The following TMOD3 variants were observed in gnomAD, a reference collection of about 807,000 sequenced individuals.
The protein encoded by TMOD3 is tropomodulin 3, also known as tropomodulin-3.
A neutral mutation model predicts 39.2 loss-of-function variants in TMOD3; 20 were observed. The ratio of observed to expected loss-of-function variants is 0.51; its 90% confidence interval spans 0.36 to 0.74. TMOD3 has a LOEUF of 0.74. Among genes scored for constraint, TMOD3 ranks in the 30% least tolerant of loss-of-function variants. The probability of loss-of-function intolerance (pLI) is 0.00; values close to 1 mark genes in which losing one functional copy is unlikely to be tolerated. For missense variants in TMOD3, 381 were observed against 412.8 expected, an observed-to-expected ratio of 0.92 and a Z score of 0.67; for synonymous variants, 143 against 145.8, an observed-to-expected ratio of 0.98 and a Z score of 0.14.
chr15:51,879,754 C>A (rs1781678610), intron 3 of TMOD3, among the ~76,000 whole-genome samples: 1 of 151,862 alleles, frequency 6.6e-6, no homozygotes, highest in South Asian at 2.1e-4. Context: ...TCTTCATTTT[C>A]TGAGTTTAAG....
intron 3 of TMOD3, among the ~76,000 whole-genome samples, chr15:51,887,355 A>G (rs759867949): frequency 1.3e-5 from 2 of 151,802 alleles, no homozygotes; most frequent in African/African-American, 4.8e-5. Context: ...CTCTAAAAAG[A>G]GCCCATTTTT....
intron 1 of TMOD3, among the ~76,000 whole-genome samples, chr15:51,852,491 T>A (rs1372199174): frequency 6.6e-6 from 1 of 152,190 alleles, no homozygotes; most frequent in African/African-American, 2.4e-5. Context: ...ATTTTTTGTT[T>A]TGTTTTTAGC....
Position 51,908,953 on chromosome 15 carries a change from C to A in TMOD3, c.*143C>A. 2.1e-6 allele frequency: 1 copy of A among 471,478 alleles called. No individual in the cohort carries two copies. The highest frequency in any genetic ancestry group is 3.8e-6 in the Non-Finnish European group (1 of 265,160). The allele number at this position is 471,478 out of a possible 1,614,324, so 29.2% of individuals were successfully genotyped here. ...CATGCATTTTTTTTTTAGTTGTTAT[C>A]AAATTGTAAAATCAGTAATGTGATA... On this transcript the variant is annotated 3_prime_UTR_variant, in exon 10 of 10. Coordinates refer to ENST00000308580, the MANE Select transcript of TMOD3 (RefSeq NM_014547.5).
chr15:51,887,549 A>G, intron 3 of TMOD3, 40 bp from the exon 4 acceptor site: 3 of 1,597,272 alleles, frequency 1.9e-6, no homozygotes, highest in Non-Finnish European at 2.6e-6. Flanking sequence ...ATGAGTTGAT[A>G]GCAGTAGTAA....
intron 9 of TMOD3, among the ~76,000 whole-genome samples, chr15:51,902,924 T>TA: frequency 6.6e-6 from 1 of 152,192 alleles, no homozygotes; most frequent in South Asian, 2.1e-4. Flanking sequence ...GTGCTGGGAT[T>TA]ACAAGCGTGA....
intron 3 of TMOD3, among the ~76,000 whole-genome samples, chr15:51,871,188 G>T (rs944435527): frequency 1.3e-5 from 2 of 152,200 alleles, no homozygotes; most frequent in African/African-American, 4.8e-5. Context: ...TCCCTCAGGT[G>T]TTTGGGGCCA....
intron 1 of TMOD3, among the ~76,000 whole-genome samples, chr15:51,845,027 T>G (rs990969799): frequency 2.0e-5 from 3 of 152,226 alleles, no homozygotes. Context: ...TGATTCAGCT[T>G]TCATATTTTT....
chr15:51,869,933 TTTTGTTTG>T (rs533227194), intron 3 of TMOD3, among the ~76,000 whole-genome samples: 105 of 152,168 alleles, frequency 6.9e-4, no homozygotes, highest in African/African-American at 2.5e-3. Flanking sequence ...GTGGTTGTTT[TTTTGTTTG>T]TTTGTTTGTT....
At chr15:51,868,832 C>T (rs910161848) in intron 2 of TMOD3, among the ~76,000 whole-genome samples, 11 of 152,062 alleles carry the variant, frequency 7.2e-5, no homozygotes, top group Admixed American at 2.0e-4. Flanking sequence ...ATTAGCTGGG[C>T]GTGGTGGCAG....
intron 3 of TMOD3, among the ~76,000 whole-genome samples, chr15:51,886,727 G>A (rs1402305139): frequency 6.6e-6 from 1 of 152,138 alleles, no homozygotes; most frequent in African/African-American, 2.4e-5. Flanking sequence ...GAGGGAGAGG[G>A]AGAGGGAGAG....
At chr15:51,908,398 A>G (rs1258696217) in intron 9 of TMOD3, among the ~76,000 whole-genome samples, 1 of 152,182 alleles carries the variant, frequency 6.6e-6, no homozygotes, top group Non-Finnish European at 1.5e-5. Context: ...AGATAGTGAG[A>G]CCTAATGTCT....
intron 3 of TMOD3, among the ~76,000 whole-genome samples, chr15:51,883,709 A>G (rs1044318152): frequency 1.3e-5 from 2 of 152,198 alleles, no homozygotes; most frequent in African/African-American, 4.8e-5. Flanking sequence ...GCAGCATACA[A>G]GATTAACTAA....
chr15:51,830,125 C>T (rs2056247004), intron 1 of TMOD3, among the ~76,000 whole-genome samples: 1 of 152,254 alleles, frequency 6.6e-6, no homozygotes, highest in Admixed American at 6.5e-5. Flanking sequence ...TCGGGACCGG[C>T]CCCCTCCCCT....
chr15:51,860,463 C>T (rs564313672), intron 1 of TMOD3: 160 of 566,590 alleles, frequency 2.8e-4, no homozygotes, highest in African/African-American at 2.7e-3. Context: ...AAGTTTTGGG[C>T]CCTCTGGATG....
intron 3 of TMOD3, among the ~76,000 whole-genome samples, chr15:51,884,901 T>A (rs1002397847): frequency 6.6e-6 from 1 of 152,184 alleles, no homozygotes; most frequent in Non-Finnish European, 1.5e-5. Flanking sequence ...AAACTTCATG[T>A]TGTTTGAACT....
At chr15:51,886,403 G>C (rs1409137361) in intron 3 of TMOD3, among the ~76,000 whole-genome samples, 3 of 152,262 alleles carry the variant, frequency 2.0e-5, no homozygotes, top group Admixed American at 6.5e-5. Context: ...GCGAGACTCC[G>C]TCTGCAATCC....
chr15:51,879,409 G>T (rs147938345), intron 3 of TMOD3, among the ~76,000 whole-genome samples: 70 of 151,714 alleles, frequency 4.6e-4, no homozygotes, highest in African/African-American at 1.6e-3. Flanking sequence ...ACTAGGTAAA[G>T]AATTATAATT....
intron 3 of TMOD3, among the ~76,000 whole-genome samples, chr15:51,875,560 T>C (rs1016985375): frequency 2.6e-5 from 4 of 152,060 alleles, no homozygotes; most frequent in African/African-American, 9.7e-5. Flanking sequence ...CTCTGGATAG[T>C]TCCTTTCCTC....
intron 9 of TMOD3, among the ~76,000 whole-genome samples, chr15:51,907,707 A>G (rs1264160629): frequency 6.6e-6 from 1 of 152,208 alleles, no homozygotes; most frequent in Non-Finnish European, 1.5e-5. Context: ...AGCCGGCCAC[A>G]ATGCTGATAG....
Sources: gnomAD v4.1 joint callset for allele counts (sites outside exome capture counted in the v4.1 genomes callset) on GRCh38, gnomAD v4.1.1 for gene constraint, MANE v1.5 for transcripts, NCBI Gene and HGNC (gene_info 2026-07-23, HGNC 2026-07-21) for gene names.